The following SLC9C2 variants were observed in gnomAD, a reference collection of about 807,000 sequenced individuals.
The protein encoded by SLC9C2 is solute carrier family 9 member C2 (putative), also known as sodium/hydrogen exchanger 11.
SLC9C2 carries 75 observed loss-of-function variants against 140.2 expected under a neutral mutation model. That is an observed-to-expected ratio of 0.53 (90% confidence interval 0.44 to 0.65). The LOEUF is 0.65. SLC9C2 is among the 30% of genes least tolerant of loss of function. The pLI is 0.00. For synonymous variants in SLC9C2, 375 were observed against 420.9 expected (o/e 0.89, Z 1.34); for missense variants, 1,074 against 1,331.8 (o/e 0.81, Z 3.01).
chr1:173,504,581 T>C (rs945066694), intron 26 of SLC9C2, among the ~76,000 whole-genome samples: 1 of 151,804 alleles, frequency 6.6e-6, no homozygotes, highest in African/African-American at 2.4e-5. Context: ...AAAGCTAGAG[T>C]GTGTCCTCAA....
At chr1:173,504,439 G>A (rs1221055219) in intron 26 of SLC9C2, among the ~76,000 whole-genome samples, 2 of 152,054 alleles carry the variant, frequency 1.3e-5, no homozygotes, top group East Asian at 1.9e-4. Context: ...CTGAGAAAAC[G>A]TCACTCTTCG....
At chr1:173,561,840 GAT>G (rs1443591383) in intron 9 of SLC9C2, among the ~76,000 whole-genome samples, 1 of 135,346 alleles carries the variant, frequency 7.4e-6, no homozygotes, top group African/African-American at 3.1e-5. Context: ...AATCACATAA[GAT>G]ACACACACAC....
At chr1:173,595,950 C>A (rs1666428540) in intron 4 of SLC9C2, among the ~76,000 whole-genome samples, 1 of 152,118 alleles carries the variant, frequency 6.6e-6, no homozygotes, top group Admixed American at 6.5e-5. Context: ...TTTTCCCCAA[C>A]ACCATTCCCT....
chr1:173,585,515 G>A (rs547992896), intron 5 of SLC9C2, among the ~76,000 whole-genome samples: 66 of 152,270 alleles, frequency 4.3e-4, no homozygotes, highest in African/African-American at 1.5e-3. Context: ...CAAAACAAGT[G>A]AGAGTGACTT....
chr1:173,549,268 C>T (rs1187443527), intron 11 of SLC9C2, among the ~76,000 whole-genome samples: 1 of 152,162 alleles, frequency 6.6e-6, no homozygotes, highest in Non-Finnish European at 1.5e-5. Flanking sequence ...TTATTTCACT[C>T]TCTATGGGAC....
intron 18 of SLC9C2, among the ~76,000 whole-genome samples, chr1:173,529,611 T>C (rs16846131): frequency 0.054 from 8,054 of 150,390 alleles, 723 homozygotes; most frequent in African/African-American, 0.18. Context: ...CCAAGTGCCC[T>C]GTCTTTTAGA....
intron 23 of SLC9C2, among the ~76,000 whole-genome samples, chr1:173,510,047 G>A (rs76425408): frequency 2.0e-5 from 3 of 152,118 alleles, no homozygotes; most frequent in African/African-American, 7.2e-5. Flanking sequence ...TAGATAACAT[G>A]AGCTCATTCA....
chr1:173,541,487 C>G (rs1261414862), intron 13 of SLC9C2, among the ~76,000 whole-genome samples: 1 of 152,196 alleles, frequency 6.6e-6, no homozygotes. Flanking sequence ...AGGACTTGAA[C>G]TCAGCTCTGC....
At chr1:173,533,526 C>T (rs1661733927) in intron 17 of SLC9C2, 83 bp downstream of exon 17, 1 of 1,045,640 alleles carries the variant, frequency 9.6e-7, no homozygotes, top group African/African-American at 1.6e-5. Flanking sequence ...AATCCACCCA[C>T]CTAGGCCTCC....
intron 22 of SLC9C2, 41 bp from the exon 23 acceptor site, chr1:173,517,745 G>T: frequency 6.4e-7 from 1 of 1,552,072 alleles, no homozygotes. Context: ...AAGAAAAAAT[G>T]AAAAACCCTT....
chr1:173,527,290 C>T (rs1239496856), intron 18 of SLC9C2, among the ~76,000 whole-genome samples: 2 of 152,242 alleles, frequency 1.3e-5, no homozygotes, highest in South Asian at 4.2e-4. Flanking sequence ...GAGTCTAGTA[C>T]AGTCAGTAGC....
At chr1:173,590,491 C>A (rs1571628519) in intron 4 of SLC9C2, among the ~76,000 whole-genome samples, 1 of 152,078 alleles carries the variant, frequency 6.6e-6, no homozygotes, top group African/African-American at 2.4e-5. Flanking sequence ...GTACCCAACC[C>A]TATATATACT....
At chr1:173,559,350 A>T (rs1663940634) in intron 9 of SLC9C2, among the ~76,000 whole-genome samples, 1 of 152,244 alleles carries the variant, frequency 6.6e-6, no homozygotes, top group African/African-American at 2.4e-5. Context: ...GGCATCAGGG[A>T]AAGTGTTGCA....
chr1:173,538,876 T>C (rs1298223154), intron 13 of SLC9C2, among the ~76,000 whole-genome samples: 1 of 152,150 alleles, frequency 6.6e-6, no homozygotes, highest in Non-Finnish European at 1.5e-5. Context: ...TGCTTTGACT[T>C]AATATCATAG....
At chr1:173,597,799 AAT>A (rs1336746756) in intron 4 of SLC9C2, 103 bp downstream of exon 4, 5 of 1,198,276 alleles carry the variant, frequency 4.2e-6, no homozygotes, top group Non-Finnish European at 5.7e-6. Flanking sequence ...AAACAAATAA[AAT>A]ATGACATTTT....
chr1:173,554,704 C>A (rs1663551103), intron 11 of SLC9C2, 29 bp downstream of exon 11: 6 of 1,407,428 alleles, frequency 4.3e-6, no homozygotes, highest in Non-Finnish European at 5.0e-6. Flanking sequence ...TTCTCCCCAG[C>A]TAATTCATGA....
chr1:173,583,362 T>C (rs928246423), intron 6 of SLC9C2, 144 bp downstream of exon 6: 2 of 518,706 alleles, frequency 3.9e-6, no homozygotes, highest in Non-Finnish European at 3.5e-6. Flanking sequence ...TGGTCAACTA[T>C]GATTTTTTTC....
At chr1:173,517,337 A>G (rs963057266) in intron 23 of SLC9C2, among the ~76,000 whole-genome samples, 200 bp downstream of exon 23, 8 of 152,198 alleles carry the variant, frequency 5.3e-5, no homozygotes, top group Non-Finnish European at 1.0e-4. Context: ...AGGAGGTTAA[A>G]TAACTACTCC....
chr1:173,530,206 C>T, intron 17 of SLC9C2, 152 bp from the exon 18 acceptor site: 1 of 646,072 alleles, frequency 1.5e-6, no homozygotes, highest in Non-Finnish European at 2.6e-6. Context: ...CCACTGGAGA[C>T]CTGTGGAATC....
Sources: gnomAD v4.1 joint callset for allele counts (sites outside exome capture counted in the v4.1 genomes callset) on GRCh38, gnomAD v4.1.1 for gene constraint, MANE v1.5 for transcripts, NCBI Gene and HGNC (gene_info 2026-07-23, HGNC 2026-07-21) for gene names.